Variants in KCNA2 observed in about 807,000 individuals in gnomAD.
The protein encoded by KCNA2 is potassium voltage-gated channel subfamily A member 2, also known as potassium channel, voltage gated shaker related subfamily A, member 2.
KCNA2 carries 11 observed loss-of-function variants against 33.4 expected under a neutral mutation model. That is an observed-to-expected ratio of 0.33 (90% confidence interval 0.21 to 0.55). The LOEUF (loss-of-function observed/expected upper bound fraction) is 0.55, where lower values mean the gene tolerates loss of function less well. Ranked by LOEUF, KCNA2 falls within the 20% of genes least tolerant of loss-of-function variation. The probability of loss-of-function intolerance (pLI) is 0.93; values close to 1 mark genes in which losing one functional copy is unlikely to be tolerated. For synonymous variants in KCNA2, 222 were observed against 231.3 expected (o/e 0.96, Z 0.37); for missense variants, 291 against 621.6 (o/e 0.47, Z 5.66).
chr1:110,601,550 G>A lies in KCNA2; in HGVS notation c.*1733C>T, dbSNP rs1265190185. On this transcript the variant is annotated 3_prime_UTR_variant, in exon 3 of 3. Coordinates refer to ENST00000316361, the MANE Select transcript of KCNA2 (RefSeq NM_004974.4). ...ACTGTGAGGGCCACAGGGCCCTTGT[G>A]CACTCAGTAAGACAAGCTTCAGCCA... 5.1e-6 allele frequency: 5 copies of A among 987,196 alleles called. No homozygotes were observed. The African/African-American group carries it at 8.7e-5, about 17-fold the overall frequency. The allele number at this position is 987,196 out of a possible 1,614,324, so 61.2% of individuals were successfully genotyped here. A position where few individuals can be genotyped will look rare whatever the true frequency, so the allele number is the denominator to read the frequency against.
intron 1 of KCNA2, among the ~76,000 whole-genome samples, chr1:110,627,776 G>A (rs1450777425): frequency 6.6e-6 from 1 of 151,612 alleles, no homozygotes; most frequent in Non-Finnish European, 1.5e-5. Flanking sequence ...ATTGCAGTGA[G>A]CCACGATCCC....
intron 1 of KCNA2, among the ~76,000 whole-genome samples, chr1:110,619,185 C>T (rs1466938293): frequency 6.6e-6 from 1 of 152,176 alleles, no homozygotes; most frequent in Non-Finnish European, 1.5e-5. Context: ...TGTCCCCACT[C>T]CCTGGGAGAC....
chr1:110,626,461 T>A (rs1650392910), intron 1 of KCNA2, among the ~76,000 whole-genome samples: 1 of 152,128 alleles, frequency 6.6e-6, no homozygotes, highest in South Asian at 2.1e-4. Flanking sequence ...ACACAAGAAA[T>A]GAATCTCGGT....
intron 1 of KCNA2, among the ~76,000 whole-genome samples, chr1:110,619,605 G>C (rs914923620): frequency 1.3e-5 from 2 of 152,370 alleles, no homozygotes; most frequent in African/African-American, 2.4e-5. Context: ...CAACGCCCAC[G>C]CAGCAGGGAG....
intron 1 of KCNA2, among the ~76,000 whole-genome samples, chr1:110,613,344 C>A (rs1649939486): frequency 6.6e-6 from 1 of 152,252 alleles, no homozygotes; most frequent in African/African-American, 2.4e-5. Context: ...TAGGTGGAAG[C>A]ACCCTGAGGG....
chr1:110,609,018 C>T (rs990378475), upstream of KCNA2, among the ~76,000 whole-genome samples: 4 of 152,152 alleles, frequency 2.6e-5, no homozygotes, highest in Non-Finnish European at 5.9e-5. Flanking sequence ...ATTCCCTCTG[C>T]TTCCCAGATT....
intron 1 of KCNA2, among the ~76,000 whole-genome samples, chr1:110,616,646 A>G (rs960034324): frequency 8.5e-5 from 13 of 152,206 alleles, no homozygotes; most frequent in African/African-American, 3.1e-4. Flanking sequence ...GGCAGGTGCT[A>G]TGTTCACTCC....
Position 110,596,993 on chromosome 1 carries a change from C to CT in KCNA2, c.*6289dup. On this transcript the variant is annotated 3_prime_UTR_variant, in exon 3 of 3. Coordinates refer to ENST00000316361, the MANE Select transcript of KCNA2 (RefSeq NM_004974.4). ...GCAAATATTTGTGCAGCTGCACACT[C>CT]TAGCGGGTGGTAGAGTCTTTATTTC... 1.2e-5 allele frequency: 12 copies of CT among 985,466 alleles called. No individual in the cohort carries two copies. The highest frequency in any genetic ancestry group is 1.4e-5 in the Non-Finnish European group (12 of 829,940). The allele number at this position is 985,466 out of a possible 1,614,324, so 61.0% of individuals were successfully genotyped here.
chr1:110,605,002 G>A, intron 2 of KCNA2, 57 bp from the exon 3 acceptor site: 1 of 540,206 alleles, frequency 1.9e-6, no homozygotes, highest in South Asian at 2.9e-5. Context: ...AGCCTGACCT[G>A]GGTTGCCACT....
chr1:110,607,041 C>T (rs576010528), upstream of KCNA2, among the ~76,000 whole-genome samples: 302 of 152,050 alleles, frequency 2.0e-3, no homozygotes, highest in African/African-American at 7.0e-3. Flanking sequence ...TCTGTGCACT[C>T]TTCTTGAGCA....
chr1:110,621,415 C>T (rs1421326743), intron 1 of KCNA2, among the ~76,000 whole-genome samples: 1 of 152,070 alleles, frequency 6.6e-6, no homozygotes, highest in Non-Finnish European at 1.5e-5. Context: ...GAAGATCTTA[C>T]ATCAATGACC....
In KCNA2 at chr1:110,616,371, G is replaced by A. The variant is rs114284522; in HGVS notation, c.-495-10649C>T. 8.8e-3 allele frequency among the ~76,000 whole-genome samples: 1,335 copies of A among 152,270 alleles called. 19 individuals carry two copies. Among genetic ancestry groups the A allele is most frequent in the African/African-American group, 0.031 (1,278 of 41,532 alleles). ...GTCAGGTCAGCTCTGTGGGACAGCG[G>A]GGTAGAGGGTGGAAGTCAGAATGTG... is the stretch of plus-strand genomic sequence containing the variant. On this transcript the variant is annotated intron_variant, in intron 1 of 4. Coordinates refer to the KCNA2 transcript ENST00000369770.
chr1:110,604,832 G>T lies in KCNA2; in HGVS notation c.-50C>A. 6.5e-7 allele frequency: 1 copy of T among 1,531,948 alleles called. No individual in the cohort carries two copies. 94.9% of individuals were successfully genotyped at this position (1,531,948 alleles called of 1,614,324 possible). A position where few individuals can be genotyped will look rare whatever the true frequency, so the allele number is the denominator to read the frequency against. On this transcript the variant is annotated 5_prime_UTR_variant, in exon 3 of 3. Coordinates refer to ENST00000316361, the MANE Select transcript of KCNA2 (RefSeq NM_004974.4). The surrounding 1 kb of genome is among the most constrained non-coding windows in gnomAD (Gnocchi z 7.6). ...ACGCTATGCCTTTCAGCTGCCTGGT[G>T]GCAGGGAGCTCAGGGTGCTGCTACT...
At chr1:110,606,502 C>A (rs1649625004), upstream of KCNA2, 1 of 152,230 alleles carries the variant, frequency 6.6e-6, no homozygotes, top group Non-Finnish European at 1.5e-5. Flanking sequence ...CTCCCCATCG[C>A]CCCGGGCTCC....
chr1:110,617,454 T>C (rs11102139), intron 1 of KCNA2, among the ~76,000 whole-genome samples: 26,294 of 152,040 alleles, frequency 0.17, 2,433 homozygotes, highest in East Asian at 0.29. Context: ...TAGGGAGCCA[T>C]TGAGAGTTCT....
rs1649422841 is a variant in KCNA2, at chr1:110,602,938, A to C, written c.*345T>G. 2 of 1,062,142 alleles carry C rather than the reference A, an allele frequency of 1.9e-6. No homozygotes were observed. The highest frequency in any genetic ancestry group is 2.3e-6 in the Non-Finnish European group (2 of 880,458). 65.8% of individuals were successfully genotyped at this position (1,062,142 alleles called of 1,614,324 possible). Reference sequence around the variant, plus strand: ...GGTGGGATGGTGGGGAGGGGAGTGCATCTCTTGGATGTTGTGTGCATTTCA... The same window carrying C: ...GGTGGGATGGTGGGGAGGGGAGTGCCTCTCTTGGATGTTGTGTGCATTTCA... On this transcript the variant is annotated 3_prime_UTR_variant, in exon 3 of 3. Coordinates refer to ENST00000316361, the MANE Select transcript of KCNA2 (RefSeq NM_004974.4).
At chr1:110,614,069 G>A (rs748348722) in intron 1 of KCNA2, among the ~76,000 whole-genome samples, 6 of 152,136 alleles carry the variant, frequency 3.9e-5, no homozygotes, top group Admixed American at 1.3e-4. Context: ...TCACTCAGGC[G>A]TCCCACCTGT....
chr1:110,628,887 A>G (rs1650471521), intron 1 of KCNA2, among the ~76,000 whole-genome samples: 1 of 152,110 alleles, frequency 6.6e-6, no homozygotes, highest in African/African-American at 2.4e-5. Context: ...TATTGAATAC[A>G]TGGACACAGC....
intron 1 of KCNA2, among the ~76,000 whole-genome samples, chr1:110,618,529 G>C (rs1038423478): frequency 6.6e-6 from 1 of 152,162 alleles, no homozygotes; most frequent in African/African-American, 2.4e-5. Flanking sequence ...GGTAGGATGA[G>C]GCAGCTTGGG....
Sources: allele counts gnomAD v4.1 joint callset (sites outside exome capture counted in the v4.1 genomes callset), GRCh38; gene constraint gnomAD v4.1.1; non-coding constraint Gnocchi (gnomAD v3.1); transcripts MANE v1.5; gene names NCBI Gene and HGNC (gene_info 2026-07-23, HGNC 2026-07-21).